Variants in KCNC2 observed in about 807,000 individuals in gnomAD.
KCNC2 encodes voltage-gated potassium channel KCNC2.
A neutral mutation model predicts 44.5 loss-of-function variants in KCNC2; 21 were observed. The observed-to-expected ratio is 0.47, with a 90% CI of 0.33 to 0.68. The LOEUF (loss-of-function observed/expected upper bound fraction) is 0.68. Among genes scored for constraint, KCNC2 ranks in the 30% least tolerant of loss-of-function variants. The pLI, the probability that KCNC2 is intolerant of heterozygous loss-of-function variation, is 0.01. For missense variants in KCNC2, 589 were observed against 826.2 expected (o/e 0.71, Z 3.52); for synonymous variants, 391 against 339.1 (o/e 1.15, Z -1.68).
chr12:75,168,241 T>A (rs111341443), intron 2 of KCNC2, among the ~76,000 whole-genome samples: 42 of 151,586 alleles, frequency 2.8e-4, no homozygotes, highest in African/African-American at 1.0e-3. Flanking sequence ...GTATTTACTA[T>A]GTTTCAGTCT....
chr12:75,152,762 G>A (rs1454121754), intron 2 of KCNC2, among the ~76,000 whole-genome samples: 2 of 151,944 alleles, frequency 1.3e-5, no homozygotes, highest in East Asian at 3.9e-4. Context: ...TAGAGTTGGA[G>A]AATTCTAAGG....
At chr12:75,184,908 C>A (rs1040791584) in intron 2 of KCNC2, among the ~76,000 whole-genome samples, 2 of 152,030 alleles carry the variant, frequency 1.3e-5, no homozygotes, top group African/African-American at 4.8e-5. Context: ...TATTCAGAAC[C>A]AGGGATAAGC....
At chr12:75,100,012 G>GAGAC (rs948600257) in intron 2 of KCNC2, among the ~76,000 whole-genome samples, 2 of 151,980 alleles carry the variant, frequency 1.3e-5, no homozygotes, top group Admixed American at 1.3e-4. Context: ...ATGTTTTAGA[G>GAGAC]AAGGCTAAGG....
chr12:75,143,631 C>T (rs1368006417), intron 2 of KCNC2, among the ~76,000 whole-genome samples: 3 of 152,112 alleles, frequency 2.0e-5, no homozygotes, highest in Non-Finnish European at 4.4e-5. Flanking sequence ...CAAAAAGGTT[C>T]TAATAGAAAT....
chr12:75,128,156 T>G (rs1184320181), intron 2 of KCNC2, among the ~76,000 whole-genome samples: 1 of 152,078 alleles, frequency 6.6e-6, no homozygotes. Context: ...CAACATAAAA[T>G]GAAATTATTT....
chr12:75,127,301 C>T (rs533570351), intron 2 of KCNC2, among the ~76,000 whole-genome samples: 150 of 152,180 alleles, frequency 9.9e-4, no homozygotes, highest in African/African-American at 3.5e-3. Context: ...AGAAAAAGGT[C>T]AGTTCTTAGC....
intron 2 of KCNC2, among the ~76,000 whole-genome samples, chr12:75,149,103 C>A (rs1471965025): frequency 6.6e-6 from 1 of 151,636 alleles, no homozygotes; most frequent in Non-Finnish European, 1.5e-5. Context: ...ATGGCCAATT[C>A]CCAATAACTC....
intron 2 of KCNC2, among the ~76,000 whole-genome samples, chr12:75,063,799 T>C (rs1328564722): frequency 6.6e-6 from 1 of 152,082 alleles, no homozygotes; most frequent in Non-Finnish European, 1.5e-5. Flanking sequence ...GACAAATCCT[T>C]TTATAATTTC....
At chr12:75,113,806 A>G (rs1184373731) in intron 2 of KCNC2, among the ~76,000 whole-genome samples, 1 of 152,158 alleles carries the variant, frequency 6.6e-6, no homozygotes, top group Admixed American at 6.6e-5. Context: ...TGTCCTTTAC[A>G]GGGCATTGGT....
intron 2 of KCNC2, among the ~76,000 whole-genome samples, chr12:75,152,016 T>C (rs958366692): frequency 1.4e-5 from 2 of 146,540 alleles, no homozygotes; most frequent in Non-Finnish European, 3.0e-5. Flanking sequence ...TACATTTATA[T>C]ATATATAATT....
intron 2 of KCNC2, among the ~76,000 whole-genome samples, chr12:75,076,491 C>A (rs1883993548): frequency 6.6e-6 from 1 of 152,060 alleles, no homozygotes; most frequent in African/African-American, 2.4e-5. Context: ...CCAGGATGGT[C>A]TCGATTTCCT....
chr12:75,067,023 A>G (rs1206584962), intron 2 of KCNC2, among the ~76,000 whole-genome samples: 2 of 152,018 alleles, frequency 1.3e-5, no homozygotes, highest in Non-Finnish European at 2.9e-5. Context: ...GGCTACATGG[A>G]AAAACCCTGT....
intron 2 of KCNC2, among the ~76,000 whole-genome samples, chr12:75,177,057 TAC>T (rs1213111451): frequency 3.1e-4 from 40 of 127,296 alleles, no homozygotes; most frequent in Middle Eastern, 4.5e-3. Flanking sequence ...TATATATATA[TAC>T]ACACACACAC....
Position 75,056,020 on chromosome 12 carries a change from C to T in KCNC2, c.688-4703G>A, listed in dbSNP as rs568007342. Among the ~76,000 whole-genome samples, 212 of 152,124 alleles carry T rather than the reference C, an allele frequency of 1.4e-3. 10 individuals are homozygous for T. The South Asian group carries it at 0.039, about 28-fold the overall frequency. On this transcript the variant is annotated intron_variant, in intron 2 of 4. Coordinates refer to ENST00000549446, the MANE Select transcript of KCNC2 (RefSeq NM_139137.4). ...GTGTCCTTTCTCTGTGCTACTCTCG[C>T]CCAGGATCACTAATATTGCAGCAAT...
At chr12:75,162,237 T>C (rs1006363908) in intron 2 of KCNC2, among the ~76,000 whole-genome samples, 2 of 151,790 alleles carry the variant, frequency 1.3e-5, no homozygotes, top group Non-Finnish European at 2.9e-5. Flanking sequence ...AACATCTTCC[T>C]AAAATTTATT....
At chr12:75,047,665 T>C (rs1211310418) in intron 4 of KCNC2, among the ~76,000 whole-genome samples, 1 of 152,034 alleles carries the variant, frequency 6.6e-6, no homozygotes, top group South Asian at 2.1e-4. Flanking sequence ...GGTAAACCAC[T>C]GGCAAAAACT....
At chr12:75,120,484 T>C (rs1443074254) in intron 2 of KCNC2, among the ~76,000 whole-genome samples, 1 of 152,208 alleles carries the variant, frequency 6.6e-6, no homozygotes, top group East Asian at 1.9e-4. Context: ...GCCAGTTCTT[T>C]ATACTGCTGG....
intron 2 of KCNC2, among the ~76,000 whole-genome samples, chr12:75,075,458 C>CATATATATATATATATATGT (rs1883849354): frequency 6.9e-6 from 1 of 145,586 alleles, no homozygotes; most frequent in African/African-American, 2.5e-5. Flanking sequence ...TATATATATA[C>CATATATATATATATATATGT]ATATATATAT....
intron 2 of KCNC2, among the ~76,000 whole-genome samples, chr12:75,157,056 T>A (rs562879723): frequency 1.3e-5 from 2 of 152,014 alleles, no homozygotes; most frequent in South Asian, 4.1e-4. Flanking sequence ...AAGAGCCTGA[T>A]GTTGCTTACA....
Sources: gnomAD v4.1 joint callset for allele counts (sites outside exome capture counted in the v4.1 genomes callset) on GRCh38, gnomAD v4.1.1 for gene constraint, MANE v1.5 for transcripts, NCBI Gene and HGNC (gene_info 2026-07-23, HGNC 2026-07-21) for gene names.